ZFP3: variants seen among roughly 807,000 people sequenced by gnomAD.
The protein encoded by ZFP3 is zinc finger protein 3 homolog.
ZFP3 carries 18 observed loss-of-function variants against 36.7 expected under a neutral mutation model. The observed-to-expected ratio is 0.49, with a 90% CI of 0.34 to 0.73. The LOEUF (loss-of-function observed/expected upper bound fraction) is 0.73. Among genes scored for constraint, ZFP3 ranks in the 30% least tolerant of loss-of-function variants. The pLI is 0.01. For missense variants in ZFP3, 495 were observed against 599.0 expected (o/e 0.83, Z 1.81); for synonymous variants, 218 against 199.0 (o/e 1.10, Z -0.81).
At chr17:5,082,279 A>G (rs1181475117) in intron 1 of ZFP3, among the ~76,000 whole-genome samples, 8 of 151,842 alleles carry the variant, frequency 5.3e-5, no homozygotes, top group Admixed American at 2.0e-4. Context: ...ACCAGGAGGC[A>G]GAGGTTGCAG....
Position 5,078,813 on chromosome 17 carries a change from C to T in ZFP3, c.-9+238C>T, listed in dbSNP as rs2072079044. Among the ~76,000 whole-genome samples the T allele has an allele frequency of 6.6e-6, 1 of 152,196 alleles. No homozygotes were observed. The highest frequency in any genetic ancestry group is 1.5e-5 in the Non-Finnish European group (1 of 68,044). On this transcript the variant is annotated intron_variant, in intron 1 of 1. Transcript: ENST00000318833. The surrounding 1 kb of genome is among the most constrained non-coding windows in gnomAD (Gnocchi z 4.5). ...GTCCCAGCTCTGGTTTGGTGCCTGT[C>T]AGCCGTGGGGGTGGGAGAAGCAGGG...
chr17:5,089,588 T>G (rs2072139089), intron 1 of ZFP3, among the ~76,000 whole-genome samples: 1 of 152,156 alleles, frequency 6.6e-6, no homozygotes, highest in Non-Finnish European at 1.5e-5. Context: ...AATATTGGGG[T>G]AGGCAACTAA....
At position 5,092,308 on chromosome 17, in the gene ZFP3, T is replaced by G; in HGVS notation, c.804T>G (p.Leu268=). Residue 268 remains leucine (L), a synonymous_variant, in exon 2 of 2, where the codon CTT becomes CTG. Transcript: ENST00000318833. This position sits in a 1 kb window ranked among gnomAD's most constrained non-coding sequence, Gnocchi z 5.0. ...CGKTFRVSSQ[L]IQHQRIHTEE... ...AGACCTTTAGGGTTAGTTCACAGCT[T>G]ATTCAGCATCAGAGAATTCATACTG... 2 of 1,614,118 alleles carry G rather than the reference T, an allele frequency of 1.2e-6. No homozygotes were observed. Among genetic ancestry groups the G allele is most frequent in the Non-Finnish European group, 1.7e-6 (2 of 1,180,024 alleles).
At chr17:5,083,063 C>T (rs1200896261) in intron 1 of ZFP3, among the ~76,000 whole-genome samples, 1 of 151,886 alleles carries the variant, frequency 6.6e-6, no homozygotes, top group Non-Finnish European at 1.5e-5. Flanking sequence ...AAGAGGTATG[C>T]AGTCAGTTGT....
In ZFP3 at chr17:5,093,131, G is replaced by C; in HGVS notation, c.*118G>C. ...CCAATGAATGGACAGAACCTCCTCTGTCCTCCCACTGATTTTAAATAGTTG... is the reference window on the plus strand; with the variant it reads ...CCAATGAATGGACAGAACCTCCTCTCTCCTCCCACTGATTTTAAATAGTTG... On this transcript the variant is annotated 3_prime_UTR_variant, in exon 2 of 2. Transcript: ENST00000318833. 7.4e-6 allele frequency: 8 copies of C among 1,079,882 alleles called. No individual in the cohort carries two copies. The highest frequency in any genetic ancestry group is 1.0e-5 in the Non-Finnish European group (8 of 780,502). 66.9% of individuals were successfully genotyped at this position (1,079,882 alleles called of 1,614,324 possible).
In ZFP3 at chr17:5,087,189, T is replaced by A. The variant is rs79398738; in HGVS notation, c.-8-4308T>A. On this transcript the variant is annotated intron_variant, in intron 1 of 1. Transcript: ENST00000318833. ...TCTACCTCACAGGCTCAAGTGATCC[T>A]CCCACCTCAGCTTCCCGAGTAGCTG... 7.6e-3 allele frequency among the ~76,000 whole-genome samples: 1,133 copies of A among 148,470 alleles called. 9 individuals are homozygous for A. The highest frequency in any genetic ancestry group is 0.027 in the African/African-American group (1,073 of 40,180).
chr17:5,092,627 A>C lies in ZFP3; in HGVS notation c.1123A>C (p.Arg375=). The C allele has an allele frequency of 6.2e-7, 1 of 1,614,110 alleles. No individual in the cohort carries two copies. The change falls in exon 2 of 2, where the codon AGG becomes CGG. Residue 375 remains arginine, a synonymous_variant. Coordinates refer to ENST00000318833, the MANE Select transcript of ZFP3 (RefSeq NM_153018.3). This position sits in a 1 kb window ranked among gnomAD's most constrained non-coding sequence, Gnocchi z 5.0. Reference sequence around the variant, plus strand: ...ATGTAAGGAATGTGGGAAGGCCTTCAGGGGGAACTCAGAACTTCTTAGACA... The same window carrying C: ...ATGTAAGGAATGTGGGAAGGCCTTCCGGGGGAACTCAGAACTTCTTAGACA... ...YVCKECGKAF[R]GNSELLRHER...
chr17:5,081,093 C>CTTTTTT (rs71367880), intron 1 of ZFP3, among the ~76,000 whole-genome samples: 3 of 141,596 alleles, frequency 2.1e-5, no homozygotes, highest in Non-Finnish European at 3.0e-5. Context: ...TGTTTCTGTT[C>CTTTTTT]TTTTTTTTTT....
Position 5,095,157 on chromosome 17 carries a change from A to G in ZFP3, c.*2144A>G, listed in dbSNP as rs1243150522. 6.0e-6 allele frequency: 1 copy of G among 167,146 alleles called. No individual in the cohort carries two copies. Among genetic ancestry groups the G allele is most frequent in the African/African-American group, 2.4e-5 (1 of 41,472 alleles). The allele number at this position is 167,146 out of a possible 1,614,324, so 10.4% of individuals were successfully genotyped here. A position where few individuals can be genotyped will look rare whatever the true frequency, so the allele number is the denominator to read the frequency against. ...GTAACAGAACTGATCACAGCCAAAA[A>G]AAATTCACCAAATGGGTTTATTCTG... On this transcript the variant is annotated 3_prime_UTR_variant, in exon 2 of 2. Coordinates refer to ENST00000318833, the MANE Select transcript of ZFP3 (RefSeq NM_153018.3).
At chr17:5,082,518 C>T (rs1031467818) in intron 1 of ZFP3, among the ~76,000 whole-genome samples, 1 of 152,006 alleles carries the variant, frequency 6.6e-6, no homozygotes. Context: ...AATCTTTGCT[C>T]CCAACAAAAT....
In ZFP3 at chr17:5,093,655, T is replaced by C. The variant is rs550013736; in HGVS notation, c.*642T>C. 6 of 167,264 alleles carry C rather than the reference T, an allele frequency of 3.6e-5. No homozygotes were observed. In the South Asian group the frequency reaches 8.3e-4, roughly 23 times the overall value. 10.4% of individuals were successfully genotyped at this position (167,264 alleles called of 1,614,324 possible). A position where few individuals can be genotyped will look rare whatever the true frequency, so the allele number is the denominator to read the frequency against. On this transcript the variant is annotated 3_prime_UTR_variant, in exon 2 of 2. Transcript: ENST00000318833. ...ATTGGAATAATTTAGTAAGCTGTTA[T>C]TAGCTTCAAAGTCGTCCAGCCCTGC... is the stretch of plus-strand genomic sequence containing the variant.
intron 1 of ZFP3, among the ~76,000 whole-genome samples, chr17:5,079,385 T>C (rs3892463): frequency 0.14 from 20,746 of 151,854 alleles, 1,623 homozygotes; most frequent in African/African-American, 0.21. Context: ...AGTTGGGTAG[T>C]TGGGTGTGGT....
chr17:5,085,204 T>C (rs532213903), intron 1 of ZFP3, among the ~76,000 whole-genome samples: 87 of 152,010 alleles, frequency 5.7e-4, no homozygotes, highest in Non-Finnish European at 1.0e-3. Context: ...CATGCCTGGC[T>C]AATTTTTTGT....
At chr17:5,086,876 C>T (rs191308004) in intron 1 of ZFP3, among the ~76,000 whole-genome samples, 12 of 147,576 alleles carry the variant, frequency 8.1e-5, no homozygotes, top group Non-Finnish European at 1.5e-4. Context: ...TACAGGCGCC[C>T]GCCACCACGC....
In ZFP3 at chr17:5,091,870, C is replaced by T; in HGVS notation, c.366C>T (p.Phe122=). The T allele has an allele frequency of 6.2e-7, 1 of 1,614,184 alleles. No homozygotes were observed. Among genetic ancestry groups the T allele is most frequent in the Non-Finnish European group, 8.5e-7 (1 of 1,180,022 alleles). The change falls in exon 2 of 2, where the codon TTC becomes TTT. Residue 122 remains phenylalanine, a synonymous_variant. Transcript: ENST00000318833. The part of the protein sequence containing the change: ...VSAFATSGQN[F]LEILESNKTQ... ...CATTTGCTACCTCTGGCCAAAACTT[C>T]CTAGAGATTTTAGAATCTAACAAAA...
intron 1 of ZFP3, among the ~76,000 whole-genome samples, chr17:5,080,202 A>G (rs184214560): frequency 1.1e-4 from 16 of 152,236 alleles, no homozygotes; most frequent in African/African-American, 2.6e-4. Context: ...GTATTTTCCT[A>G]TGGTTCTCTC....
intron 1 of ZFP3, among the ~76,000 whole-genome samples, chr17:5,083,067 C>G (rs1479177091): frequency 6.6e-6 from 1 of 151,854 alleles, no homozygotes; most frequent in Non-Finnish European, 1.5e-5. Context: ...GGTATGCAGT[C>G]AGTTGTATTA....
chr17:5,081,470 A>T (rs2072093099), intron 1 of ZFP3, among the ~76,000 whole-genome samples: 1 of 152,154 alleles, frequency 6.6e-6, no homozygotes, highest in Admixed American at 6.6e-5. Context: ...AATGGAAATC[A>T]ACTTCTAGAT....
rs182513450 is a variant in ZFP3 at position 5,083,323 on chromosome 17, C to G, written c.-9+4748C>G. 2.3e-3 allele frequency among the ~76,000 whole-genome samples: 353 copies of G among 152,184 alleles called. 1 individual carries two copies. The highest frequency in any genetic ancestry group is 7.7e-3 in the African/African-American group (320 of 41,542). On this transcript the variant is annotated intron_variant, in intron 1 of 1. Coordinates refer to ENST00000318833, the MANE Select transcript of ZFP3 (RefSeq NM_153018.3). ...TTGTAATCCCAGCACTTTGGGACGC[C>G]GAGGTGGATGGATCACCTGAGGTCA...
Sources: gnomAD v4.1 joint callset for allele counts (sites outside exome capture counted in the v4.1 genomes callset) on GRCh38, gnomAD v4.1.1 for gene constraint, Gnocchi (gnomAD v3.1) non-coding constraint, MANE v1.5 for transcripts, NCBI Gene and HGNC (gene_info 2026-07-23, HGNC 2026-07-21) for gene names.